The following GAS2 variants were observed in gnomAD, a reference collection of about 807,000 sequenced individuals.
GAS2 encodes the protein growth arrest specific 2, also known as growth arrest-specific protein 2.
In GAS2, 20 loss-of-function variants were observed where a neutral mutation model predicts 37.5. The ratio of observed to expected loss-of-function variants is 0.53; its 90% CI spans 0.37 to 0.77. The LOEUF (loss-of-function observed/expected upper bound fraction) is 0.77, where lower values mean the gene tolerates loss of function less well. Among genes scored for constraint, GAS2 ranks in the 30% least tolerant of loss-of-function variants. The pLI, the probability that GAS2 is intolerant of heterozygous loss-of-function variation, is 0.00. For synonymous variants in GAS2, 144 were observed against 132.2 expected, an observed-to-expected ratio of 1.09 and a Z score of -0.61; for missense variants, 336 against 373.4, an observed-to-expected ratio of 0.90 and a Z score of 0.82.
At chr11:22,752,443 T>G (rs1853794402) in intron 6 of GAS2, among the ~76,000 whole-genome samples, 1 of 151,988 alleles carries the variant, frequency 6.6e-6, no homozygotes, top group Non-Finnish European at 1.5e-5. Flanking sequence ...TTAATACATC[T>G]AATATAAAAG....
At chr11:22,641,350 A>G (rs947343392) in intron 1 of GAS2, among the ~76,000 whole-genome samples, 2 of 146,238 alleles carry the variant, frequency 1.4e-5, no homozygotes, top group African/African-American at 5.0e-5. Flanking sequence ...ATATGTCTTT[A>G]TATATATTTT....
chr11:22,790,298 C>G (rs1856082184), intron 7 of GAS2, among the ~76,000 whole-genome samples: 2 of 152,182 alleles, frequency 1.3e-5, no homozygotes, highest in Non-Finnish European at 1.5e-5. Flanking sequence ...TCCTATCCCT[C>G]TCGCATTTGT....
At chr11:22,743,167 T>G (rs1590079035) in intron 5 of GAS2, among the ~76,000 whole-genome samples, 2 of 152,254 alleles carry the variant, frequency 1.3e-5, no homozygotes, top group Middle Eastern at 6.8e-3. Context: ...CTGAGATAGT[T>G]CTGACATTTC....
At position 22,748,189 on chromosome 11, in the gene GAS2, T is replaced by A. The variant is rs553636025; in HGVS notation, c.474-931T>A. 9.9e-5 allele frequency among the ~76,000 whole-genome samples: 15 copies of A among 152,228 alleles called. No individual in the cohort carries two copies. In the South Asian group the frequency reaches 3.1e-3, roughly 32 times the overall value. On this transcript the variant is annotated intron_variant, in intron 5 of 7. Coordinates refer to ENST00000454584, the MANE Select transcript of GAS2 (RefSeq NM_001143830.3). ...TCCTTTTTAACACCCAGTCACCTGA[T>A]TAAAGTCAGAGAAACTGCATTTAAG...
intron 3 of GAS2, among the ~76,000 whole-genome samples, chr11:22,695,335 A>AG (rs942371307): frequency 1.3e-5 from 2 of 150,800 alleles, no homozygotes; most frequent in African/African-American, 4.9e-5. Context: ...GAAAAAAAAA[A>AG]GACTCTTTAT....
intron 3 of GAS2, among the ~76,000 whole-genome samples, chr11:22,709,328 G>A (rs966038927): frequency 7.9e-5 from 12 of 151,934 alleles, no homozygotes; most frequent in Non-Finnish European, 1.8e-4. Context: ...TACAGATGTG[G>A]TGATACAACT....
chr11:22,757,320 GT>G lies in GAS2; in HGVS notation c.723+1373del, dbSNP rs372623566. On this transcript the variant is annotated intron_variant, in intron 7 of 7. Coordinates refer to ENST00000454584, the MANE Select transcript of GAS2 (RefSeq NM_001143830.3). ...TTATAGTCCTTACTATATAAGGCAG[GT>G]TTTTTGATATTCCATTTTTCTTTTC... is the stretch of plus-strand genomic sequence containing the variant. Among the ~76,000 whole-genome samples, 85 of 152,078 alleles carry G rather than the reference GT, an allele frequency of 5.6e-4. No individual in the cohort carries two copies. The East Asian group carries it at 0.015, about 27-fold the overall frequency.
chr11:22,641,325 T>TATATATATTC (rs1848627179), intron 1 of GAS2, among the ~76,000 whole-genome samples: 2 of 91,904 alleles, frequency 2.2e-5, no homozygotes, highest in Non-Finnish European at 5.4e-5. Flanking sequence ...TATATATCTT[T>TATATATATTC]ATATATATAT....
rs963298230 is a variant in GAS2 at position 22,671,856 on chromosome 11, T to C, written c.-20-2994T>C. ...GGGTAAATTCTCCATACTCCAAATT[T>C]TGATCATGCTAGCTGAATCCATTTT... On this transcript the variant is annotated intron_variant, in intron 1 of 7. Transcript: ENST00000454584. Among the ~76,000 whole-genome samples, 4 of 152,138 alleles carry C rather than the reference T, an allele frequency of 2.6e-5. No homozygotes were observed. The East Asian group carries it at 7.7e-4, about 29-fold the overall frequency.
chr11:22,633,386 G>A (rs532841126), intron 1 of GAS2, among the ~76,000 whole-genome samples: 184 of 152,292 alleles, frequency 1.2e-3, no homozygotes, highest in African/African-American at 4.3e-3. Context: ...GCTGGTTATA[G>A]TAGCAATGTG....
intron 7 of GAS2, among the ~76,000 whole-genome samples, chr11:22,778,051 G>A (rs1037349697): frequency 6.6e-6 from 1 of 152,068 alleles, no homozygotes; most frequent in African/African-American, 2.4e-5. Context: ...GAGGGAAGAG[G>A]CGAAGAAGAA....
intron 3 of GAS2, among the ~76,000 whole-genome samples, chr11:22,687,348 T>G (rs1460052490): frequency 6.6e-6 from 1 of 151,992 alleles, no homozygotes; most frequent in Non-Finnish European, 1.5e-5. Flanking sequence ...TAAAATAAAA[T>G]AATACTGAGA....
intron 3 of GAS2, among the ~76,000 whole-genome samples, chr11:22,721,988 G>T (rs1188762276): frequency 6.6e-6 from 1 of 151,750 alleles, no homozygotes; most frequent in East Asian, 1.9e-4. Flanking sequence ...TAGTCAATGG[G>T]GTGTACATCT....
intron 3 of GAS2, among the ~76,000 whole-genome samples, chr11:22,693,175 T>C (rs185343221): frequency 6.6e-6 from 1 of 152,336 alleles, no homozygotes; most frequent in Admixed American, 6.5e-5. Flanking sequence ...CTGTAGGTTA[T>C]GTCACAGGGC....
intron 1 of GAS2, among the ~76,000 whole-genome samples, chr11:22,668,876 A>G (rs947220144): frequency 4.6e-5 from 7 of 152,200 alleles, no homozygotes; most frequent in Admixed American, 2.6e-4. Context: ...TTTGATATTA[A>G]GGTCCAAACA....
chr11:22,738,670 GA>G (rs977157762), intron 5 of GAS2, among the ~76,000 whole-genome samples: 2 of 151,652 alleles, frequency 1.3e-5, no homozygotes, highest in Non-Finnish European at 2.9e-5. Context: ...ATAAAATCAA[GA>G]AAAAAAATAG....
chr11:22,665,829 A>AT (rs1848975356), upstream of GAS2, among the ~76,000 whole-genome samples: 1 of 152,220 alleles, frequency 6.6e-6, no homozygotes, highest in African/African-American at 2.4e-5. Flanking sequence ...GGTAGTTTCT[A>AT]TTTGGGAGTG....
chr11:22,772,382 A>C (rs1855023726), intron 7 of GAS2, among the ~76,000 whole-genome samples: 1 of 152,052 alleles, frequency 6.6e-6, no homozygotes, highest in Admixed American at 6.6e-5. Flanking sequence ...TCACTACTTA[A>C]ATTGCCACAA....
intron 3 of GAS2, among the ~76,000 whole-genome samples, chr11:22,699,754 G>A (rs998161515): frequency 6.6e-6 from 1 of 152,142 alleles, no homozygotes; most frequent in Non-Finnish European, 1.5e-5. Context: ...GACTAAGTAA[G>A]TTAGTATACA....
Sources: allele counts gnomAD v4.1 joint callset (sites outside exome capture counted in the v4.1 genomes callset), GRCh38; gene constraint gnomAD v4.1.1; transcripts MANE v1.5; gene names NCBI Gene and HGNC (gene_info 2026-07-23, HGNC 2026-07-21).